The following ACSL1 variants were observed in gnomAD, a reference collection of about 807,000 sequenced individuals.
The protein encoded by ACSL1 is acyl-CoA synthetase long chain family member 1, also known as long-chain-fatty-acid--CoA ligase 1.
ACSL1 carries 41 observed loss-of-function variants against 98.4 expected under a neutral mutation model. The observed-to-expected ratio is 0.42, with a 90% CI of 0.32 to 0.54. The LOEUF (loss-of-function observed/expected upper bound fraction) is 0.54. ACSL1 is among the 20% of genes least tolerant of loss of function. ACSL1 has a pLI of 0.13. For synonymous variants in ACSL1, 316 were observed against 322.7 expected, an observed-to-expected ratio of 0.98 and a Z score of 0.22; for missense variants, 734 against 883.1, an observed-to-expected ratio of 0.83 and a Z score of 2.14.
intron 2 of ACSL1, among the ~76,000 whole-genome samples, chr4:184,796,807 A>C (rs144504010): frequency 3.2e-4 from 48 of 152,360 alleles, no homozygotes; most frequent in African/African-American, 1.1e-3. Flanking sequence ...TACATTTACA[A>C]ATGACTGTAG....
chr4:184,763,012 T>A (rs533175907), intron 16 of ACSL1, among the ~76,000 whole-genome samples, 155 bp downstream of exon 16: 2 of 151,852 alleles, frequency 1.3e-5, no homozygotes, highest in East Asian at 3.9e-4. Flanking sequence ...TGAACATAAA[T>A]GTACCCTCAG....
chr4:184,766,944 C>T lies in ACSL1; in HGVS notation c.1129-188G>A, dbSNP rs765622068. ...GACAGCAATTCCACACCTCGGTATA[C>T]ACCCAGGAGCAATGGACACATACAT... is the stretch of plus-strand genomic sequence containing the variant. On this transcript the variant is annotated intron_variant, in intron 12 of 20. Transcript: ENST00000281455. The surrounding 1 kb of genome is among the most constrained non-coding windows in gnomAD (Gnocchi z 4.8). 1.3e-5 allele frequency among the ~76,000 whole-genome samples: 2 copies of T among 152,168 alleles called. No homozygotes were observed. The highest frequency in any genetic ancestry group is 2.4e-5 in the African/African-American group (1 of 41,444).
Position 184,757,261 on chromosome 4 carries a change from T to C in ACSL1, c.1961A>G (p.Lys654Arg), listed in dbSNP as rs1762232741. 2 of 1,592,980 alleles carry C rather than the reference T, an allele frequency of 1.3e-6. No homozygotes were observed. The highest frequency in any genetic ancestry group is 1.1e-5 in the South Asian group (1 of 90,304). Residue 654 changes from lysine to arginine, a missense_variant, in exon 21 of 21, where the codon AAA (lysine) becomes AGA (arginine). Coordinates refer to ENST00000281455, the MANE Select transcript of ACSL1 (RefSeq NM_001995.5). This position sits in a 1 kb window ranked among gnomAD's most constrained non-coding sequence, Gnocchi z 4.5. ...TAATTCAGGGTGCAATGTGATGCCT[T>C]TGACCTGCCAATAAACAAGGCAGTT... ...DSGLKPFEQV[K>R]GITLHPELFS...
intron 1 of ACSL1, among the ~76,000 whole-genome samples, chr4:184,804,799 G>A (rs774713925): frequency 6.6e-6 from 1 of 152,128 alleles, no homozygotes; most frequent in Non-Finnish European, 1.5e-5. Flanking sequence ...ACGTTAGAAA[G>A]TGCTCAAAAA....
intron 10 of ACSL1, among the ~76,000 whole-genome samples, chr4:184,772,210 T>C (rs536729484): frequency 6.6e-6 from 1 of 152,304 alleles, no homozygotes; most frequent in Non-Finnish European, 1.5e-5. Flanking sequence ...TTGAACTCTG[T>C]TTAGAAAGTA....
At chr4:184,780,207 A>C (rs1163255716) in intron 5 of ACSL1, 125 bp downstream of exon 5, 3 of 821,310 alleles carry the variant, frequency 3.7e-6, no homozygotes, top group Non-Finnish European at 5.8e-6. Flanking sequence ...TAACTTTCTA[A>C]GGTGTAACGT....
At chr4:184,796,930 G>C (rs1000638199) in intron 2 of ACSL1, among the ~76,000 whole-genome samples, 1 of 152,156 alleles carries the variant, frequency 6.6e-6, no homozygotes, top group African/African-American at 2.4e-5. Flanking sequence ...CTCCCACCTG[G>C]TTCAAAATCA....
intron 1 of ACSL1, among the ~76,000 whole-genome samples, chr4:184,807,922 C>T (rs1771637105): frequency 2.0e-5 from 3 of 152,298 alleles, no homozygotes; most frequent in East Asian, 1.9e-4. Flanking sequence ...CCCCTGAGAA[C>T]ACACATAACT....
intron 7 of ACSL1, among the ~76,000 whole-genome samples, chr4:184,775,335 C>T (rs1765117162): frequency 6.6e-6 from 1 of 152,078 alleles, no homozygotes. Flanking sequence ...TTATAATCTT[C>T]AATCAACTAA....
At chr4:184,788,842 A>G in intron 2 of ACSL1, 111 bp from the exon 3 acceptor site, 2 of 771,278 alleles carry the variant, frequency 2.6e-6, no homozygotes, top group Non-Finnish European at 4.3e-6. Flanking sequence ...CTTGTCACTT[A>G]TCTGTAGTGA....
In ACSL1 at chr4:184,776,680, CAATG is replaced by C. The variant is rs1291901295; in HGVS notation, c.578-22_578-19del. On this transcript the variant is annotated intron_variant, in intron 6 of 20. Transcript: ENST00000281455. The stretch of plus-strand genomic sequence containing the variant: ...GAGTTCAGCTGTAAATGAAGAGATA[CAATG>C]AAGAATAAGCTCTGGGATGTTAAAA... The C allele has an allele frequency of 6.2e-7, 1 of 1,603,682 alleles. No individual in the cohort carries two copies. Among genetic ancestry groups the C allele is most frequent in the East Asian group, 2.2e-5 (1 of 44,888 alleles).
chr4:184,812,103 G>T, intron 1 of ACSL1: 1 of 832,888 alleles, frequency 1.2e-6, no homozygotes, highest in Non-Finnish European at 1.4e-6. Flanking sequence ...CTGAACTCCA[G>T]GACTTCTTTA....
intron 1 of ACSL1, among the ~76,000 whole-genome samples, chr4:184,819,128 C>CATTTAG (rs1371764675): frequency 4.7e-5 from 7 of 149,150 alleles, no homozygotes; most frequent in African/African-American, 1.8e-4. Context: ...GGCATCGTAC[C>CATTTAG]ATTTAGATGT....
At position 184,770,848 on chromosome 4, in the gene ACSL1, G is replaced by A. The variant is rs1423234770; in HGVS notation, c.916-372C>T. 2.0e-5 allele frequency among the ~76,000 whole-genome samples: 3 copies of A among 152,204 alleles called. No homozygotes were observed. In the South Asian group the frequency reaches 6.2e-4, roughly 31 times the overall value. On this transcript the variant is annotated intron_variant, in intron 10 of 20. Coordinates refer to ENST00000281455, the MANE Select transcript of ACSL1 (RefSeq NM_001995.5). ...CAAAGAATAAAATGAAAAACAAGGG[G>A]CATGGTGGCTCACGCCTGTAATCCC... is the stretch of plus-strand genomic sequence containing the variant.
intron 2 of ACSL1, among the ~76,000 whole-genome samples, chr4:184,800,813 G>A (rs1770373381): frequency 1.3e-5 from 2 of 152,214 alleles, no homozygotes; most frequent in Non-Finnish European, 2.9e-5. Context: ...GTCTTCATTA[G>A]AGGTGACCAG....
At chr4:184,790,229 T>C (rs1192908114) in intron 2 of ACSL1, among the ~76,000 whole-genome samples, 2 of 152,226 alleles carry the variant, frequency 1.3e-5, no homozygotes, top group African/African-American at 4.8e-5. Context: ...GGATTATCCA[T>C]TTCTCTTCCT....
chr4:184,761,662 A>G (rs1188304936), intron 17 of ACSL1, among the ~76,000 whole-genome samples: 1 of 152,188 alleles, frequency 6.6e-6, no homozygotes, highest in African/African-American at 2.4e-5. Context: ...CCTAAGAAAC[A>G]CATTTATTCC....
intron 3 of ACSL1, among the ~76,000 whole-genome samples, chr4:184,786,698 T>C (rs1050818876): frequency 8.7e-5 from 13 of 149,700 alleles, no homozygotes; most frequent in Non-Finnish European, 1.9e-4. Flanking sequence ...CTTTCTTTTT[T>C]TTTTTTTTTT....
intron 18 of ACSL1, 39 bp downstream of exon 18, chr4:184,760,318 T>C (rs752244321): frequency 6.2e-6 from 10 of 1,609,232 alleles, no homozygotes; most frequent in East Asian, 2.2e-5. Context: ...GCAATGGCAA[T>C]GTGTATGCAG....
Sources: gnomAD v4.1 joint callset for allele counts (sites outside exome capture counted in the v4.1 genomes callset) on GRCh38, gnomAD v4.1.1 for gene constraint, Gnocchi (gnomAD v3.1) non-coding constraint, MANE v1.5 for transcripts, NCBI Gene and HGNC (gene_info 2026-07-23, HGNC 2026-07-21) for gene names.